The following PDE4D variants were observed in gnomAD, a reference collection of about 807,000 sequenced individuals.
PDE4D encodes the protein 3',5'-cyclic-AMP phosphodiesterase 4D.
A neutral mutation model predicts 87.4 loss-of-function variants in PDE4D; 24 were observed. The observed-to-expected ratio is 0.27, with a 90% CI of 0.20 to 0.39. PDE4D has a LOEUF of 0.39. PDE4D is among the 10% of genes least tolerant of loss of function. PDE4D has a pLI of 1.00. For synonymous variants in PDE4D, 384 were observed against 383.2 expected (o/e 1.00, Z -0.02); for missense variants, 714 against 1,041.0 (o/e 0.69, Z 4.32).
intron 1 of PDE4D, among the ~76,000 whole-genome samples, chr5:60,402,825 T>C (rs1462755926): frequency 6.6e-6 from 1 of 152,220 alleles, no homozygotes; most frequent in Non-Finnish European, 1.5e-5. Context: ...CCCCTGTTCC[T>C]TCATGGTATG....
intron 3 of PDE4D, among the ~76,000 whole-genome samples, chr5:59,978,674 G>T (rs559791001): frequency 8.5e-5 from 13 of 152,312 alleles, no homozygotes; most frequent in Middle Eastern, 3.4e-3. Context: ...AATTTTGAAA[G>T]AAGTTCTACT....
intron 1 of PDE4D, among the ~76,000 whole-genome samples, chr5:59,432,252 T>C (rs1796210752): frequency 7.1e-6 from 1 of 141,826 alleles, no homozygotes; most frequent in Non-Finnish European, 1.5e-5. Flanking sequence ...GCTCATACTA[T>C]GTATAATCCT....
At chr5:59,771,584 A>G (rs1413653908) in intron 1 of PDE4D, among the ~76,000 whole-genome samples, 1 of 151,884 alleles carries the variant, frequency 6.6e-6, no homozygotes, top group East Asian at 1.9e-4. Flanking sequence ...TAATAGGGAA[A>G]TTCATTGAAT....
chr5:59,762,053 A>C (rs73109078), intron 1 of PDE4D, among the ~76,000 whole-genome samples: 7,976 of 152,010 alleles, frequency 0.052, 743 homozygotes, highest in African/African-American at 0.18. Flanking sequence ...ATTGACTGAA[A>C]TGCTGTTACA....
chr5:60,254,603 C>T (rs1311146694), intron 1 of PDE4D, among the ~76,000 whole-genome samples: 15 of 151,902 alleles, frequency 9.9e-5, no homozygotes, highest in Middle Eastern at 3.4e-3. Flanking sequence ...GATTGAGTTT[C>T]AAAATCATCT....
intron 5 of PDE4D, among the ~76,000 whole-genome samples, chr5:59,145,622 G>A (rs909724944): frequency 7.9e-5 from 12 of 152,036 alleles, no homozygotes; most frequent in African/African-American, 2.9e-4. Flanking sequence ...ACACTATTCC[G>A]GAATTGCAAA....
chr5:59,628,177 G>A (rs1831127569), intron 1 of PDE4D, among the ~76,000 whole-genome samples: 1 of 152,126 alleles, frequency 6.6e-6, no homozygotes, highest in Non-Finnish European at 1.5e-5. Context: ...CTTAATAATG[G>A]AAGAAGAAAA....
At chr5:59,969,357 A>G (rs992946424) in intron 3 of PDE4D, among the ~76,000 whole-genome samples, 3 of 152,198 alleles carry the variant, frequency 2.0e-5, no homozygotes, top group African/African-American at 7.2e-5. Context: ...AAGAAAACAA[A>G]TTTGGAAGAA....
chr5:59,863,054 C>G (rs1371070334), intron 1 of PDE4D, among the ~76,000 whole-genome samples: 1 of 152,164 alleles, frequency 6.6e-6, no homozygotes, highest in South Asian at 2.1e-4. Context: ...GGATCCATGA[C>G]CCAAGCAACA....
chr5:59,515,722 TA>T (rs548292474), intron 1 of PDE4D, among the ~76,000 whole-genome samples: 13 of 152,146 alleles, frequency 8.5e-5, no homozygotes, highest in Admixed American at 2.6e-4. Flanking sequence ...TGGATGTGAA[TA>T]AAAAATGTAT....
intron 1 of PDE4D, among the ~76,000 whole-genome samples, chr5:59,713,503 G>A (rs1375313812): frequency 6.6e-6 from 1 of 152,194 alleles, no homozygotes; most frequent in African/African-American, 2.4e-5. Flanking sequence ...TTGAAACTGT[G>A]CATGATTCCT....
chr5:59,596,417 T>C (rs1046199330), intron 1 of PDE4D, among the ~76,000 whole-genome samples: 1 of 151,584 alleles, frequency 6.6e-6, no homozygotes, highest in African/African-American at 2.4e-5. Context: ...CGCAGAGACA[T>C]TGCCACTCCA....
chr5:59,195,503 A>C (rs551168476), intron 2 of PDE4D, among the ~76,000 whole-genome samples: 2 of 152,322 alleles, frequency 1.3e-5, no homozygotes, highest in South Asian at 4.1e-4. Context: ...AAGGCAGGAA[A>C]TTCAGAATCA....
intron 2 of PDE4D, among the ~76,000 whole-genome samples, chr5:60,025,651 G>A (rs1010833646): frequency 2.0e-5 from 3 of 151,988 alleles, no homozygotes; most frequent in African/African-American, 7.3e-5. Flanking sequence ...ACTACTAGAT[G>A]TATTCTTCCT....
Position 59,900,505 on chromosome 5 carries a change from T to C in PDE4D, c.272+87983A>G, listed in dbSNP as rs773365363. On this transcript the variant is annotated intron_variant, in intron 3 of 16. Transcript: ENST00000502484. ...CAACAAGATATTCATAAGAATGATATTGGAAGCTGCATATTGCTTTAGCAT... is the reference window on the plus strand; with the variant it reads ...CAACAAGATATTCATAAGAATGATACTGGAAGCTGCATATTGCTTTAGCAT... 4.1e-4 allele frequency among the ~76,000 whole-genome samples: 63 copies of C among 152,126 alleles called. 3 individuals are homozygous for C. The highest frequency in any genetic ancestry group is 2.5e-4 in the Non-Finnish European group (17 of 68,024).
At chr5:60,094,641 G>C (rs1465715464) in intron 2 of PDE4D, among the ~76,000 whole-genome samples, 1 of 134,608 alleles carries the variant, frequency 7.4e-6, no homozygotes, top group African/African-American at 2.8e-5. Context: ...TGAACACAGA[G>C]AGGTGCACAG....
chr5:59,259,949 C>T (rs900472380), intron 1 of PDE4D, among the ~76,000 whole-genome samples: 4 of 151,774 alleles, frequency 2.6e-5, no homozygotes, highest in Non-Finnish European at 4.4e-5. Flanking sequence ...AGGATTATGA[C>T]CAAACAAGTT....
At chr5:59,665,134 C>A (rs1354717068) in intron 1 of PDE4D, among the ~76,000 whole-genome samples, 1 of 152,210 alleles carries the variant, frequency 6.6e-6, no homozygotes, top group African/African-American at 2.4e-5. Context: ...TTCCTAGGGT[C>A]TCCTGGGGTA....
intron 1 of PDE4D, among the ~76,000 whole-genome samples, chr5:60,511,906 A>T (rs1446714351): frequency 1.3e-5 from 2 of 152,218 alleles, no homozygotes; most frequent in Non-Finnish European, 2.9e-5. Flanking sequence ...AGAATTTAAT[A>T]TTGTATCCAA....
Sources: allele counts gnomAD v4.1 joint callset (sites outside exome capture counted in the v4.1 genomes callset), GRCh38; gene constraint gnomAD v4.1.1; transcripts MANE v1.5; gene names NCBI Gene and HGNC (gene_info 2026-07-23, HGNC 2026-07-21).